Variants in KIAA1549 observed in about 807,000 individuals in gnomAD.
KIAA1549 encodes UPF0606 protein KIAA1549.
A neutral mutation model predicts 156.4 loss-of-function variants in KIAA1549; 70 were observed. The observed-to-expected ratio is 0.45, with a 90% CI of 0.37 to 0.55. The LOEUF is 0.55. Ranked by LOEUF, KIAA1549 falls within the 20% of genes least tolerant of loss-of-function variation. KIAA1549 has a pLI of 0.00. For missense variants in KIAA1549, 2,428 were observed against 2,540.9 expected, an observed-to-expected ratio of 0.96 and a Z score of 0.96; for synonymous variants, 1,103 against 1,066.4, an observed-to-expected ratio of 1.03 and a Z score of -0.67.
At chr7:138,963,246 A>G (rs1217034108) in intron 1 of KIAA1549, among the ~76,000 whole-genome samples, 1 of 152,240 alleles carries the variant, frequency 6.6e-6, no homozygotes, top group African/African-American at 2.4e-5. Context: ...CCAGGCAAGC[A>G]CACTTCCCAG....
intron 10 of KIAA1549, among the ~76,000 whole-genome samples, chr7:138,886,032 C>T (rs572663931): frequency 3.7e-4 from 56 of 152,138 alleles, no homozygotes; most frequent in Non-Finnish European, 6.8e-4. Flanking sequence ...CCCCCAAATT[C>T]GGTCACAGAA....
At chr7:138,838,329 G>C (rs1809808724) in intron 19 of KIAA1549, among the ~76,000 whole-genome samples, 169 bp from the exon 20 acceptor site, 1 of 152,220 alleles carries the variant, frequency 6.6e-6, no homozygotes, top group African/African-American at 2.4e-5. Flanking sequence ...AGACACCAGG[G>C]GGCTGGGGAG....
chr7:138,918,760 A>G lies in KIAA1549; in HGVS notation c.866T>C (p.Met289Thr), dbSNP rs904696245. 3 of 1,613,932 alleles carry G rather than the reference A, an allele frequency of 1.9e-6. No individual in the cohort carries two copies. The African/African-American group carries it at 4.0e-5, about 22-fold the overall frequency. ...AATGCCGTCGCCTAACGGCTGTGGC[A>G]TTAAAGACCGGGAGCTTAAAAAAAG... Reference protein sequence around the residue: ...TTLFLSSRSLMPQPLGDGITI... With the variant: ...TTLFLSSRSLTPQPLGDGITI... The change falls in exon 2 of 20, where the codon ATG becomes ACG. Residue 289 changes from methionine (M) to threonine (T), a missense_variant. Transcript: ENST00000422774. The surrounding 1 kb of genome is among the most constrained non-coding windows in gnomAD (Gnocchi z 4.2).
At position 138,916,862 on chromosome 7, in the gene KIAA1549, G is replaced by A. The variant is rs763627108; in HGVS notation, c.2764C>T (p.Arg922Cys). 9.3e-6 allele frequency: 15 copies of A among 1,613,928 alleles called. No homozygotes were observed. The highest frequency in any genetic ancestry group is 2.2e-5 in the East Asian group (1 of 44,882). The change falls in exon 2 of 20, where the codon CGT becomes TGT. Residue 922 changes from arginine (R) to cysteine (C), a missense_variant. Transcript: ENST00000422774. The part of the protein sequence containing the change: ...SSAAPPLPSL[R>C]PVTAFTLEAT... ...TCGAGAGTGAAGGCAGTCACGGGAC[G>A]CAGGGATGGCAGGGGAGGAGCAGCA...
At chr7:138,908,443 A>G (rs145171902) in intron 5 of KIAA1549, among the ~76,000 whole-genome samples, 120 of 152,346 alleles carry the variant, frequency 7.9e-4, no homozygotes, top group Admixed American at 1.5e-3. Context: ...TTGGAGGACG[A>G]CATTTAGTAA....
At position 138,935,860 on chromosome 7, in the gene KIAA1549, G is replaced by A. The variant is rs144023730; in HGVS notation, c.188-16422C>T. The stretch of plus-strand genomic sequence containing the variant: ...AAGAGAGAGAGGGGTCACGCCGGCT[G>A]GAAGCAGCAGCAAGGACAAAGGCAC... On this transcript the variant is annotated intron_variant, in intron 1 of 19. Coordinates refer to ENST00000422774, the MANE Select transcript of KIAA1549 (RefSeq NM_001164665.2). Among the ~76,000 whole-genome samples the A allele has an allele frequency of 9.2e-5, 14 of 152,338 alleles. No homozygotes were observed. The East Asian group carries it at 2.7e-3, about 29-fold the overall frequency.
chr7:138,949,984 G>T (rs1304138121), intron 1 of KIAA1549, among the ~76,000 whole-genome samples: 1 of 152,254 alleles, frequency 6.6e-6, no homozygotes, highest in Non-Finnish European at 1.5e-5. Flanking sequence ...CCTTATTTCA[G>T]ATCTGCACAG....
chr7:138,897,766 G>A (rs2130439520), intron 9 of KIAA1549, among the ~76,000 whole-genome samples: 1 of 151,762 alleles, frequency 6.6e-6, no homozygotes, highest in East Asian at 1.9e-4. Flanking sequence ...TAGTGGTGGT[G>A]ACTGTGGTCC....
intron 10 of KIAA1549, among the ~76,000 whole-genome samples, chr7:138,892,617 G>A (rs947038989): frequency 6.6e-6 from 1 of 152,132 alleles, no homozygotes; most frequent in Non-Finnish European, 1.5e-5. Context: ...TAACATTAAT[G>A]TATAAAATGC....
rs149684663 is a variant in KIAA1549, at chr7:138,898,422, T to C, written c.3847+533A>G. Among the ~76,000 whole-genome samples the C allele has an allele frequency of 1.3e-3, 191 of 150,720 alleles. 1 individual carries two copies. The highest frequency in any genetic ancestry group is 4.1e-3 in the African/African-American group (166 of 40,960). On this transcript the variant is annotated intron_variant, in intron 9 of 19. Coordinates refer to ENST00000422774, the MANE Select transcript of KIAA1549 (RefSeq NM_001164665.2). ...CAACAATAATAAAGAAACTTCAAAA[T>C]ACCTCTGTCTACACTGTGGAGTGAC...
At chr7:138,867,567 T>A (rs66922899) in intron 15 of KIAA1549, among the ~76,000 whole-genome samples, 4,255 of 57,190 alleles carry the variant, frequency 0.074, 220 homozygotes, top group African/African-American at 0.4. Context: ...AAAAAAAAAA[T>A]AATAAAAATA....
At position 138,911,121 on chromosome 7, in the gene KIAA1549, A is replaced by T. The variant is rs148462605; in HGVS notation, c.3145+25T>A. ...AAAATGAAATTCTTTTTACAAATAA[A>T]AACAACTATGCTGAGCTGTCTCACC... On this transcript the variant is annotated intron_variant, in intron 4 of 19. Transcript: ENST00000422774. The T allele has an allele frequency of 6.9e-4, 988 of 1,426,946 alleles. 19 individuals are homozygous for T. The East Asian group carries it at 0.018, about 26-fold the overall frequency. The allele number at this position is 1,426,946 out of a possible 1,614,324, so 88.4% of individuals were successfully genotyped here.
intron 17 of KIAA1549, among the ~76,000 whole-genome samples, chr7:138,851,258 C>T (rs778702876): frequency 1.4e-4 from 21 of 151,960 alleles, no homozygotes; most frequent in Non-Finnish European, 2.4e-4. Flanking sequence ...TCTTTTTTCT[C>T]CTATTTCCTA....
intron 17 of KIAA1549, among the ~76,000 whole-genome samples, chr7:138,850,062 T>C (rs1810194847): frequency 6.6e-6 from 1 of 152,202 alleles, no homozygotes; most frequent in South Asian, 2.1e-4. Context: ...CAATTTATAT[T>C]CCTTTGTGTA....
At chr7:138,887,577 C>T (rs1366941879) in intron 10 of KIAA1549, among the ~76,000 whole-genome samples, 1 of 152,174 alleles carries the variant, frequency 6.6e-6, no homozygotes, top group Non-Finnish European at 1.5e-5. Context: ...CTGGCTCCCC[C>T]TCCCACCTTC....
intron 12 of KIAA1549, 53 bp from the exon 13 acceptor site, chr7:138,871,415 C>T: frequency 7.0e-7 from 1 of 1,421,378 alleles, no homozygotes; most frequent in East Asian, 2.4e-5. Context: ...AAAGAAACAG[C>T]AACTAATCAA....
chr7:138,927,969 G>A (rs1473603787), intron 1 of KIAA1549, among the ~76,000 whole-genome samples: 13 of 149,132 alleles, frequency 8.7e-5, no homozygotes, highest in African/African-American at 3.0e-4. Context: ...CGCCCAGGCT[G>A]GAGTGCAGTG....
At chr7:138,946,188 T>C (rs1408133997) in intron 1 of KIAA1549, among the ~76,000 whole-genome samples, 2 of 152,238 alleles carry the variant, frequency 1.3e-5, no homozygotes, top group African/African-American at 4.8e-5. Flanking sequence ...TGTTCGTTGT[T>C]ACATTTACTG....
intron 10 of KIAA1549, among the ~76,000 whole-genome samples, chr7:138,891,481 CAG>C (rs1420569546): frequency 6.6e-6 from 1 of 152,212 alleles, no homozygotes; most frequent in Non-Finnish European, 1.5e-5. Flanking sequence ...ATAGAGAATA[CAG>C]ATAAAAGAAA....
Sources: gnomAD v4.1 joint callset for allele counts (sites outside exome capture counted in the v4.1 genomes callset) on GRCh38, gnomAD v4.1.1 for gene constraint, Gnocchi (gnomAD v3.1) non-coding constraint, MANE v1.5 for transcripts, NCBI Gene and HGNC (gene_info 2026-07-23, HGNC 2026-07-21) for gene names.